MITF: variants seen among roughly 807,000 people sequenced by gnomAD.
The protein encoded by MITF is melanocyte inducing transcription factor.
A neutral mutation model predicts 60.5 loss-of-function variants in MITF; 17 were observed. The observed-to-expected ratio is 0.28, with a 90% confidence interval of 0.19 to 0.42. The LOEUF (loss-of-function observed/expected upper bound fraction) is 0.42. Ranked by LOEUF, MITF falls within the 10% of genes least tolerant of loss-of-function variation. The pLI is 1.00. For synonymous variants in MITF, 260 were observed against 248.5 expected (o/e 1.05, Z -0.43); for missense variants, 622 against 683.5 (o/e 0.91, Z 1.00).
At chr3:69,783,454 T>C (rs949733101) in intron 1 of MITF, among the ~76,000 whole-genome samples, 3 of 150,482 alleles carry the variant, frequency 2.0e-5, no homozygotes, top group African/African-American at 7.3e-5. Context: ...TGTGTGCACG[T>C]ATTCAAAGGA....
In MITF at chr3:69,880,332, A is replaced by G. The variant is rs1001943131; in HGVS notation, c.354+949A>G. ...AAAGTAAATAGAGAGATGATGTGTT[A>G]TAATCAGGAATCAATCTGTGAACCT... On this transcript the variant is annotated intron_variant, in intron 2 of 9. Transcript: ENST00000352241. Among the ~76,000 whole-genome samples, 13 of 152,270 alleles carry G rather than the reference A, an allele frequency of 8.5e-5. No individual in the cohort carries two copies. The Middle Eastern group carries it at 0.014, about 159-fold the overall frequency.
chr3:69,831,904 G>A (rs1245983746), intron 1 of MITF, among the ~76,000 whole-genome samples: 1 of 152,132 alleles, frequency 6.6e-6, no homozygotes, highest in Non-Finnish European at 1.5e-5. Flanking sequence ...AACGGTGCCC[G>A]AGGGAGTGGG....
intron 5 of MITF, among the ~76,000 whole-genome samples, chr3:69,944,393 A>G (rs544346616): frequency 6.6e-6 from 1 of 152,154 alleles, no homozygotes; most frequent in Admixed American, 6.5e-5. Flanking sequence ...ATCTCAAGGG[A>G]ATTTCCAGAT....
At chr3:69,921,289 C>T (rs1291412493) in intron 2 of MITF, among the ~76,000 whole-genome samples, 1 of 152,124 alleles carries the variant, frequency 6.6e-6, no homozygotes, top group South Asian at 2.1e-4. Context: ...AGTATAGTAA[C>T]GTTCCTTTAT....
At chr3:69,836,382 A>T (rs2063540711) in intron 1 of MITF, among the ~76,000 whole-genome samples, 1 of 152,186 alleles carries the variant, frequency 6.6e-6, no homozygotes, top group Non-Finnish European at 1.5e-5. Flanking sequence ...CAAATGTAAG[A>T]CATGTTTATA....
chr3:69,771,516 G>T (rs1457506708), intron 1 of MITF, among the ~76,000 whole-genome samples: 1 of 152,172 alleles, frequency 6.6e-6, no homozygotes, highest in Non-Finnish European at 1.5e-5. Context: ...GAACGGGGAG[G>T]ATTCTACAGA....
chr3:69,805,819 T>A (rs1038469088), intron 1 of MITF, among the ~76,000 whole-genome samples: 1 of 152,048 alleles, frequency 6.6e-6, no homozygotes, highest in Non-Finnish European at 1.5e-5. Context: ...CCACCATGTC[T>A]GGCTAATTTT....
chr3:69,817,118 C>T (rs2063194428), intron 1 of MITF, among the ~76,000 whole-genome samples: 1 of 152,116 alleles, frequency 6.6e-6, no homozygotes, highest in Non-Finnish European at 1.5e-5. Context: ...CTCCTGAAGA[C>T]TGTATTTAAA....
At chr3:69,951,093 CT>C (rs527693480) in intron 6 of MITF, among the ~76,000 whole-genome samples, 1,353 of 108,920 alleles carry the variant, frequency 0.012, 6 homozygotes, top group African/African-American at 0.034. Flanking sequence ...AATTTGGCAG[CT>C]TTTTTTTTTT....
At chr3:69,906,209 A>T (rs2065095543) in intron 2 of MITF, among the ~76,000 whole-genome samples, 1 of 152,150 alleles carries the variant, frequency 6.6e-6, no homozygotes, top group African/African-American at 2.4e-5. Context: ...ATTTGTTGAA[A>T]AAACTATCCT....
At chr3:69,928,068 A>T (rs2065634495) in intron 2 of MITF, among the ~76,000 whole-genome samples, 1 of 152,192 alleles carries the variant, frequency 6.6e-6, no homozygotes, top group Non-Finnish European at 1.5e-5. Context: ...ACTTAAATGA[A>T]AGTATGGATG....
At chr3:69,870,139 T>C (rs953681466) in intron 1 of MITF, among the ~76,000 whole-genome samples, 1 of 150,346 alleles carries the variant, frequency 6.7e-6, no homozygotes, top group African/African-American at 2.4e-5. Flanking sequence ...GTCAGTTGTA[T>C]TTGAATTAAT....
At chr3:69,890,508 C>CATTG (rs2064735762) in intron 2 of MITF, among the ~76,000 whole-genome samples, 1 of 152,108 alleles carries the variant, frequency 6.6e-6, no homozygotes, top group African/African-American at 2.4e-5. Flanking sequence ...GTTAATCATA[C>CATTG]ATTGTTCTTT....
chr3:69,967,705 G>A lies in MITF; in HGVS notation c.*2457G>A, dbSNP rs1330531850. On this transcript the variant is annotated 3_prime_UTR_variant, in exon 10 of 10. Transcript: ENST00000352241. ...CCCAGGAGAATGCTGCAATCTTGGGGGTGGTTTTATTTATTTCTTTTTTGC... is the reference window on the plus strand; with the variant it reads ...CCCAGGAGAATGCTGCAATCTTGGGAGTGGTTTTATTTATTTCTTTTTTGC... The A allele has an allele frequency of 8.6e-6, 2 of 232,990 alleles. No individual in the cohort carries two copies. The highest frequency in any genetic ancestry group is 5.6e-5 in the Admixed American group (1 of 17,778). 14.4% of individuals were successfully genotyped at this position (232,990 alleles called of 1,614,324 possible).
chr3:69,822,195 A>G (rs966891764), intron 1 of MITF, among the ~76,000 whole-genome samples: 1 of 152,160 alleles, frequency 6.6e-6, no homozygotes, highest in Non-Finnish European at 1.5e-5. Flanking sequence ...ATTAAGAATG[A>G]TTTTCACATT....
chr3:69,794,011 C>T (rs2062787682), intron 1 of MITF, among the ~76,000 whole-genome samples: 1 of 152,172 alleles, frequency 6.6e-6, no homozygotes, highest in Non-Finnish European at 1.5e-5. Context: ...GTTCACGAGG[C>T]ACCCATTGTC....
intron 2 of MITF, among the ~76,000 whole-genome samples, 169 bp downstream of exon 2, chr3:69,879,552 G>A (rs1350454040): frequency 1.3e-5 from 2 of 152,180 alleles, no homozygotes; most frequent in Non-Finnish European, 2.9e-5. Flanking sequence ...AAAGAAGGAT[G>A]CAAACGCATT....
At chr3:69,915,681 G>A (rs1157180498) in intron 2 of MITF, among the ~76,000 whole-genome samples, 3 of 152,160 alleles carry the variant, frequency 2.0e-5, no homozygotes, top group Non-Finnish European at 2.9e-5. Context: ...TACCTGCTGA[G>A]TTGCTAGGCA....
At chr3:69,781,179 C>A (rs1427736216) in intron 1 of MITF, among the ~76,000 whole-genome samples, 2 of 151,804 alleles carry the variant, frequency 1.3e-5, no homozygotes, top group Non-Finnish European at 2.9e-5. Context: ...GTGTCCAGTT[C>A]ATTAAAAAAT....
Sources: gnomAD v4.1 joint callset for allele counts (sites outside exome capture counted in the v4.1 genomes callset) on GRCh38, gnomAD v4.1.1 for gene constraint, MANE v1.5 for transcripts, NCBI Gene and HGNC (gene_info 2026-07-23, HGNC 2026-07-21) for gene names.